The following C12orf50 variants were observed in gnomAD, a reference collection of about 807,000 sequenced individuals.
C12orf50 encodes the protein uncharacterized protein C12orf50.
Under a neutral mutation model 61.6 loss-of-function variants are expected in C12orf50, and 35 were observed. That is an observed-to-expected ratio of 0.57 (90% confidence interval 0.43 to 0.75). The LOEUF is 0.75. Among genes scored for constraint, C12orf50 ranks in the 30% least tolerant of loss-of-function variants. The probability of loss-of-function intolerance (pLI) is 0.00; values close to 1 mark genes in which losing one functional copy is unlikely to be tolerated. For missense variants in C12orf50, 475 were observed against 488.5 expected (o/e 0.97, Z 0.26); for synonymous variants, 178 against 161.5 (o/e 1.10, Z -0.77).
chr12:88,011,546 A>G lies in C12orf50; in HGVS notation c.134-13356T>C, dbSNP rs547103656. On this transcript the variant is annotated intron_variant, in intron 3 of 12. Transcript: ENST00000298699. ...TAATCTGTTAAATGTCTAAAACCCA[A>G]TGCAGGTACTATTACTATCTCTACC... Among the ~76,000 whole-genome samples the G allele has an allele frequency of 8.5e-5, 13 of 152,328 alleles. No homozygotes were observed. The East Asian group carries it at 2.3e-3, about 27-fold the overall frequency.
intron 3 of C12orf50, among the ~76,000 whole-genome samples, chr12:88,004,455 T>C (rs926450636): frequency 6.6e-5 from 10 of 152,182 alleles, no homozygotes; most frequent in African/African-American, 1.9e-4. Context: ...AGTGGGAATG[T>C]AAAATTAGTT....
chr12:87,983,398 T>A (rs1444066289), intron 11 of C12orf50: 7 of 329,600 alleles, frequency 2.1e-5, no homozygotes, highest in South Asian at 1.1e-4. Context: ...TTGTTTTTTT[T>A]ATTATTATTA....
At chr12:87,983,010 T>A (rs2030590259) in intron 12 of C12orf50, 93 bp downstream of exon 12, 1 of 665,900 alleles carries the variant, frequency 1.5e-6, no homozygotes. Flanking sequence ...AAATTTTTAT[T>A]TATCTTCATG....
chr12:88,010,794 A>G (rs1341168598), intron 3 of C12orf50, among the ~76,000 whole-genome samples: 7 of 152,000 alleles, frequency 4.6e-5, no homozygotes, highest in Admixed American at 4.6e-4. Flanking sequence ...AGAAATATGA[A>G]ATAAATAATT....
intron 9 of C12orf50, among the ~76,000 whole-genome samples, chr12:87,987,389 G>A (rs1218261373): frequency 6.6e-6 from 1 of 151,970 alleles, no homozygotes; most frequent in East Asian, 1.9e-4. Context: ...AATATTATAG[G>A]GGTTCAATAA....
Position 88,026,625 on chromosome 12 carries a change from T to TG in C12orf50, c.13-18dup. ...GCAGTTTTGCTAGATAAAAGGAGAT[T>TG]GGGGGAAATGTAATGATTAGATGCC... On this transcript the variant is annotated splice_polypyrimidine_tract_variant and intron_variant, in intron 2 of 12. Coordinates refer to ENST00000298699, the MANE Select transcript of C12orf50 (RefSeq NM_152589.3). 1.9e-6 allele frequency: 3 copies of TG among 1,611,100 alleles called. No homozygotes were observed. In the Admixed American group the frequency reaches 5.0e-5, roughly 27 times the overall value.
intron 7 of C12orf50, among the ~76,000 whole-genome samples, chr12:87,991,118 T>C (rs934696604): frequency 6.6e-6 from 1 of 152,126 alleles, no homozygotes; most frequent in African/African-American, 2.4e-5. Flanking sequence ...GGAAAAATAA[T>C]GTATCATCTA....
chr12:88,026,412 A>C, intron 3 of C12orf50, 76 bp downstream of exon 3: 1 of 1,487,420 alleles, frequency 6.7e-7, no homozygotes, highest in Non-Finnish European at 9.1e-7. Context: ...TACTTTTTAA[A>C]TGTGTCATTC....
At chr12:88,011,601 C>T (rs1254587024) in intron 3 of C12orf50, among the ~76,000 whole-genome samples, 1 of 152,164 alleles carries the variant, frequency 6.6e-6, no homozygotes, top group Admixed American at 6.5e-5. Context: ...GCCAGAGAGA[C>T]ATTAAGTTGC....
chr12:87,994,069 A>G (rs2031263099), intron 7 of C12orf50, among the ~76,000 whole-genome samples: 1 of 151,992 alleles, frequency 6.6e-6, no homozygotes, highest in Admixed American at 6.6e-5. Context: ...GTGTGGTGGC[A>G]CGCACCTGTA....
intron 7 of C12orf50, among the ~76,000 whole-genome samples, chr12:87,992,341 T>C (rs1419095471): frequency 6.6e-6 from 1 of 152,138 alleles, no homozygotes; most frequent in Non-Finnish European, 1.5e-5. Context: ...GTCAGCTTTA[T>C]ATATAGCAAC....
intron 6 of C12orf50, among the ~76,000 whole-genome samples, chr12:87,995,856 A>C (rs1038610876): frequency 5.3e-5 from 8 of 152,188 alleles, no homozygotes; most frequent in Non-Finnish European, 1.2e-4. Context: ...ATGTTCATCC[A>C]CAGTAAATCA....
At chr12:87,980,753 CT>C in intron 12 of C12orf50, among the ~76,000 whole-genome samples, 1 of 152,268 alleles carries the variant, frequency 6.6e-6, no homozygotes, top group East Asian at 1.9e-4. Context: ...GCTTCTGCCC[CT>C]AATTCCCACA....
intron 3 of C12orf50, among the ~76,000 whole-genome samples, chr12:87,999,068 C>T (rs1176659908): frequency 2.0e-5 from 3 of 152,066 alleles, no homozygotes; most frequent in Non-Finnish European, 4.4e-5. Context: ...AAAAAGCAGT[C>T]AATGAAAAGT....
chr12:88,029,252 T>C (rs1334655211), intron 1 of C12orf50, 88 bp downstream of exon 1: 6 of 410,244 alleles, frequency 1.5e-5, no homozygotes, highest in Non-Finnish European at 2.5e-5. Context: ...TCTTTCAGGC[T>C]ATCAGTAGTA....
At chr12:88,005,934 T>TTG (rs1565752378) in intron 3 of C12orf50, among the ~76,000 whole-genome samples, 15 of 116,850 alleles carry the variant, frequency 1.3e-4, no homozygotes, top group Non-Finnish European at 1.9e-4. Flanking sequence ...TTTTTTTTTT[T>TTG]GAGACGGAGT....
At chr12:87,996,078 G>T (rs923746622) in intron 6 of C12orf50, among the ~76,000 whole-genome samples, 12 of 152,032 alleles carry the variant, frequency 7.9e-5, no homozygotes, top group Non-Finnish European at 1.3e-4. Flanking sequence ...CTTTGGCAGG[G>T]GGATTTATTT....
rs575650393 is a variant in C12orf50, at chr12:88,005,590, T to A, written c.134-7400A>T. Among the ~76,000 whole-genome samples the A allele has an allele frequency of 1.6e-4, 24 of 152,366 alleles. 1 individual carries two copies. The South Asian group carries it at 4.1e-3, about 26-fold the overall frequency. On this transcript the variant is annotated intron_variant, in intron 3 of 12. Coordinates refer to ENST00000298699, the MANE Select transcript of C12orf50 (RefSeq NM_152589.3). Reference sequence around the variant, plus strand: ...TAAGCTTTGAGCCCAATCTTTCAAGTTTGTTCCAATCCCAAAAGAACTCTT... The same window carrying A: ...TAAGCTTTGAGCCCAATCTTTCAAGATTGTTCCAATCCCAAAAGAACTCTT...
chr12:87,994,332 A>C (rs543348383), intron 7 of C12orf50, among the ~76,000 whole-genome samples: 4 of 152,184 alleles, frequency 2.6e-5, no homozygotes, highest in Admixed American at 2.0e-4. Flanking sequence ...ACCTGAATTC[A>C]TTATAGTCTG....
Sources: gnomAD v4.1 joint callset for allele counts (sites outside exome capture counted in the v4.1 genomes callset) on GRCh38, gnomAD v4.1.1 for gene constraint, MANE v1.5 for transcripts, NCBI Gene and HGNC (gene_info 2026-07-23, HGNC 2026-07-21) for gene names.